The following SLC1A2 variants were observed in gnomAD, a reference collection of about 807,000 sequenced individuals.
The protein encoded by SLC1A2 is excitatory amino acid transporter 2.
Under a neutral mutation model 48.8 loss-of-function variants are expected in SLC1A2, and 15 were observed. The ratio of observed to expected loss-of-function variants is 0.31; its 90% CI spans 0.21 to 0.47. The LOEUF is 0.47. SLC1A2 is among the 20% of genes least tolerant of loss of function. The probability of loss-of-function intolerance (pLI) is 0.99; values close to 1 mark genes in which losing one functional copy is unlikely to be tolerated. For synonymous variants in SLC1A2, 279 were observed against 272.6 expected, an observed-to-expected ratio of 1.02 and a Z score of -0.23; for missense variants, 502 against 730.5, an observed-to-expected ratio of 0.69 and a Z score of 3.61.
rs1343696224 is a variant in SLC1A2 at position 35,318,401 on chromosome 11, A to AT, written c.18-886dup. Among the ~76,000 whole-genome samples, 5 of 152,290 alleles carry AT rather than the reference A, an allele frequency of 3.3e-5. No homozygotes were observed. The East Asian group carries it at 7.7e-4, about 23-fold the overall frequency. ...ATTTTTCACTTTGATATCTTAGAAC[A>AT]TTTTTTTAGCTGCTATTTACAATCA... On this transcript the variant is annotated intron_variant, in intron 1 of 10. Transcript: ENST00000278379.
chr11:35,309,723 C>T (rs1040542541), intron 4 of SLC1A2, among the ~76,000 whole-genome samples: 34 of 152,304 alleles, frequency 2.2e-4, no homozygotes, highest in Admixed American at 1.1e-3. Context: ...ATGTCTCTCA[C>T]GCACCCTTTC....
chr11:35,321,871 T>C (rs546130071), intron 1 of SLC1A2, among the ~76,000 whole-genome samples: 1 of 152,226 alleles, frequency 6.6e-6, no homozygotes, highest in East Asian at 1.9e-4. Context: ...AACAAAGCAA[T>C]AAAACCCAGG....
intron 1 of SLC1A2, among the ~76,000 whole-genome samples, chr11:35,386,506 A>G (rs1487793297): frequency 6.6e-6 from 1 of 152,232 alleles, no homozygotes; most frequent in Admixed American, 6.5e-5. Flanking sequence ...TACTACTCAG[A>G]TGGCTATTTC....
At chr11:35,285,153 CT>C (rs1850771424) in intron 8 of SLC1A2, among the ~76,000 whole-genome samples, 1 of 152,132 alleles carries the variant, frequency 6.6e-6, no homozygotes, top group Non-Finnish European at 1.5e-5. Flanking sequence ...ATTCTAATGT[CT>C]TTTTTTGAGT....
intron 8 of SLC1A2, among the ~76,000 whole-genome samples, chr11:35,281,554 T>A (rs756680320): frequency 3.0e-4 from 46 of 152,158 alleles, no homozygotes; most frequent in Non-Finnish European, 6.2e-4. Flanking sequence ...ACACTAAGCG[T>A]CAGGCGCCTG....
intron 1 of SLC1A2, among the ~76,000 whole-genome samples, chr11:35,353,052 T>A (rs1318028012): frequency 1.3e-5 from 2 of 152,176 alleles, no homozygotes; most frequent in African/African-American, 2.4e-5. Flanking sequence ...GCTTTTTTTT[T>A]AAGATTTAAC....
intron 8 of SLC1A2, 117 bp from the exon 9 acceptor site, chr11:35,281,118 C>T: frequency 1.5e-6 from 2 of 1,362,502 alleles, no homozygotes; most frequent in Non-Finnish European, 1.9e-6. Context: ...CAACCCCCAC[C>T]CCATACTCTC....
intron 6 of SLC1A2, among the ~76,000 whole-genome samples, chr11:35,296,732 A>G (rs2134768860): frequency 6.6e-6 from 1 of 152,074 alleles, no homozygotes; most frequent in African/African-American, 2.4e-5. Context: ...TCAGTTCTTC[A>G]CCAGGTTGCT....
rs968098702 is a variant in SLC1A2, at chr11:35,371,012, C to T, written c.17+47938G>A. The T allele has an allele frequency of 4.1e-6, 4 of 984,998 alleles. No homozygotes were observed. In the African/African-American group the frequency reaches 5.2e-5, roughly 13 times the overall value. 61.0% of individuals were successfully genotyped at this position (984,998 alleles called of 1,614,324 possible). ...GTCCCAAAGGGTGGCATCTTCCTCT[C>T]TCATTCATGGGGTGAGTTTTGAGCT... On this transcript the variant is annotated intron_variant, in intron 1 of 10. Transcript: ENST00000278379.
intron 10 of SLC1A2, chr11:35,265,274 C>T (rs571396388): frequency 9.3e-6 from 5 of 539,880 alleles, no homozygotes; most frequent in East Asian, 6.0e-5. Context: ...TAGGGGAACC[C>T]GAATGGTTGT....
At chr11:35,308,734 G>C (rs1013691382) in intron 4 of SLC1A2, among the ~76,000 whole-genome samples, 7 of 152,150 alleles carry the variant, frequency 4.6e-5, no homozygotes, top group Admixed American at 3.3e-4. Flanking sequence ...ATTTCAGCAT[G>C]AATTTTGGAA....
At chr11:35,405,966 C>T (rs1206499408) in intron 1 of SLC1A2, among the ~76,000 whole-genome samples, 6 of 152,110 alleles carry the variant, frequency 3.9e-5, no homozygotes, top group Non-Finnish European at 5.9e-5. Context: ...ATCTCTTTTG[C>T]GAGGTAGACA....
chr11:35,307,954 G>A (rs1234742330), intron 4 of SLC1A2, among the ~76,000 whole-genome samples: 5 of 152,126 alleles, frequency 3.3e-5, no homozygotes, highest in African/African-American at 1.2e-4. Flanking sequence ...CCTCAATGTG[G>A]CCCCTTCATC....
chr11:35,346,548 G>A (rs149302456), intron 1 of SLC1A2, among the ~76,000 whole-genome samples: 1 of 152,234 alleles, frequency 6.6e-6, no homozygotes, highest in Non-Finnish European at 1.5e-5. Context: ...GCAGAGACAT[G>A]ACCTATAAAC....
At chr11:35,327,251 G>T (rs1184354941) in intron 1 of SLC1A2, among the ~76,000 whole-genome samples, 1 of 151,774 alleles carries the variant, frequency 6.6e-6, no homozygotes, top group South Asian at 2.1e-4. Flanking sequence ...CTAAACTTGA[G>T]CTAAAGTTGA....
At chr11:35,329,014 TG>T (rs1279502813) in intron 1 of SLC1A2, among the ~76,000 whole-genome samples, 1 of 152,210 alleles carries the variant, frequency 6.6e-6, no homozygotes, top group South Asian at 2.1e-4. Flanking sequence ...CATCCTTCAG[TG>T]GGCAAATGGA....
chr11:35,360,117 T>G, intron 1 of SLC1A2: 1 of 984,462 alleles, frequency 1.0e-6, no homozygotes, highest in African/African-American at 1.7e-5. Flanking sequence ...ATCACAGTCC[T>G]GCTATACTAT....
chr11:35,269,306 T>C (rs1035139299), intron 9 of SLC1A2, among the ~76,000 whole-genome samples: 2 of 152,218 alleles, frequency 1.3e-5, no homozygotes, highest in Non-Finnish European at 2.9e-5. Flanking sequence ...ACCTGGTCTA[T>C]AGTATTTTGT....
chr11:35,399,060 A>G (rs1464244320), intron 1 of SLC1A2, among the ~76,000 whole-genome samples: 1 of 152,096 alleles, frequency 6.6e-6, no homozygotes, highest in Non-Finnish European at 1.5e-5. Flanking sequence ...CATTTGAGAG[A>G]GTTTATTTGC....
Sources: allele counts gnomAD v4.1 joint callset (sites outside exome capture counted in the v4.1 genomes callset), GRCh38; gene constraint gnomAD v4.1.1; transcripts MANE v1.5; gene names NCBI Gene and HGNC (gene_info 2026-07-23, HGNC 2026-07-21).